The following PTCHD4 variants were observed in gnomAD, a reference collection of about 807,000 sequenced individuals.
PTCHD4 encodes the protein patched domain containing 4.
A neutral mutation model predicts 58.1 loss-of-function variants in PTCHD4; 33 were observed. That is an observed-to-expected ratio of 0.57 (90% CI 0.43 to 0.76). PTCHD4 has a LOEUF of 0.76. Ranked by LOEUF, PTCHD4 falls within the 30% of genes least tolerant of loss-of-function variation. The probability of loss-of-function intolerance (pLI) is 0.00; values close to 1 mark genes in which losing one functional copy is unlikely to be tolerated. For missense variants in PTCHD4, 1,058 were observed against 1,027.1 expected (o/e 1.03, Z -0.41); for synonymous variants, 478 against 409.6 (o/e 1.17, Z -2.02).
intron 4 of PTCHD4, among the ~76,000 whole-genome samples, chr6:48,004,909 T>A (rs1421568475): frequency 6.6e-6 from 1 of 151,870 alleles, no homozygotes; most frequent in East Asian, 1.9e-4. Context: ...AGAGCGAGAC[T>A]TCATCTCAAA....
chr6:48,042,624 A>C lies in PTCHD4; in HGVS notation c.417+25606T>G, dbSNP rs141978219. ...GATCAGAATGCCCTTTCCAACCAAG[A>C]CGCTGACCCAATTTTATTATTCAAG... On this transcript the variant is annotated intron_variant, in intron 3 of 4. Coordinates refer to ENST00000339488, the MANE Select transcript of PTCHD4 (RefSeq NM_001384253.1). Among the ~76,000 whole-genome samples, 139 of 151,884 alleles carry C rather than the reference A, an allele frequency of 9.2e-4. 1 individual carries two copies. Among genetic ancestry groups the C allele is most frequent in the Middle Eastern group, 3.4e-3 (1 of 294 alleles).
chr6:48,101,382 T>C (rs777408043), intron 1 of PTCHD4, among the ~76,000 whole-genome samples: 9 of 152,184 alleles, frequency 5.9e-5, no homozygotes, highest in Non-Finnish European at 1.0e-4. Context: ...GTTTAACATA[T>C]GCTAAAGCAA....
chr6:47,905,182 C>G (rs1215212681), intron 4 of PTCHD4, among the ~76,000 whole-genome samples: 2 of 151,776 alleles, frequency 1.3e-5, no homozygotes, highest in African/African-American at 2.4e-5. Context: ...CTTTGTAGAT[C>G]ATATGAAATT....
At chr6:47,960,184 C>T (rs369966148) in intron 4 of PTCHD4, among the ~76,000 whole-genome samples, 27 of 152,064 alleles carry the variant, frequency 1.8e-4, no homozygotes, top group East Asian at 7.7e-4. Flanking sequence ...TTCAAAAGCA[C>T]GCACTTAAGT....
chr6:48,053,492 G>C (rs999139650), intron 3 of PTCHD4, among the ~76,000 whole-genome samples: 1 of 136,184 alleles, frequency 7.3e-6, no homozygotes, highest in Admixed American at 7.6e-5. Flanking sequence ...GGAAATCAGA[G>C]AGCTAATAAC....
At chr6:47,946,078 T>C (rs1262255633) in intron 4 of PTCHD4, among the ~76,000 whole-genome samples, 1 of 152,152 alleles carries the variant, frequency 6.6e-6, no homozygotes, top group South Asian at 2.1e-4. Flanking sequence ...ATGTGGTAAA[T>C]ATGATACTGA....
intron 4 of PTCHD4, among the ~76,000 whole-genome samples, chr6:47,969,176 G>A (rs1210119984): frequency 2.6e-5 from 4 of 152,132 alleles, no homozygotes; most frequent in Non-Finnish European, 5.9e-5. Flanking sequence ...TTAAAAAATG[G>A]AGTTACTGAT....
intron 4 of PTCHD4, 148 bp from the exon 5 acceptor site, chr6:47,880,084 G>A (rs1763975986): frequency 1.6e-6 from 1 of 641,704 alleles, no homozygotes; most frequent in South Asian, 2.8e-5. Flanking sequence ...CAAAAGTTGA[G>A]TTATGGACAG....
At chr6:47,925,958 G>C (rs894673104) in intron 4 of PTCHD4, among the ~76,000 whole-genome samples, 2 of 152,098 alleles carry the variant, frequency 1.3e-5, no homozygotes, top group Non-Finnish European at 2.9e-5. Context: ...CTGGGGGTTG[G>C]CAGATGAGGC....
At chr6:48,092,201 G>A (rs1226534229) in intron 1 of PTCHD4, among the ~76,000 whole-genome samples, 1 of 152,092 alleles carries the variant, frequency 6.6e-6, no homozygotes, top group Non-Finnish European at 1.5e-5. Context: ...TGAAACCCAG[G>A]GAGAAATTAA....
At chr6:48,052,500 C>G (rs1371333627) in intron 3 of PTCHD4, among the ~76,000 whole-genome samples, 3 of 151,922 alleles carry the variant, frequency 2.0e-5, no homozygotes, top group Admixed American at 2.0e-4. Flanking sequence ...TATAACAGAG[C>G]TCCCTGAAGT....
At position 47,868,159 on chromosome 6, in the gene PTCHD4, A is replaced by G. The variant is rs572204991; in HGVS notation, c.*10144T>C. Among the ~76,000 whole-genome samples, 2 of 151,814 alleles carry G rather than the reference A, an allele frequency of 1.3e-5. No individual in the cohort carries two copies. The highest frequency in any genetic ancestry group is 4.8e-5 in the African/African-American group (2 of 41,508). On this transcript the variant is annotated 3_prime_UTR_variant, in exon 5 of 5. Transcript: ENST00000339488. ...GTTTAGTCCCTTCTTCAACAGTTTT[A>G]GATCCGTTTTAAAATTTTTTCTCAC...
intron 4 of PTCHD4, among the ~76,000 whole-genome samples, chr6:47,977,790 T>A (rs1581963622): frequency 6.6e-6 from 1 of 152,198 alleles, no homozygotes; most frequent in East Asian, 1.9e-4. Context: ...TCTTGAAGTT[T>A]TTCCATAAAT....
chr6:48,073,176 A>T (rs1275817884), intron 1 of PTCHD4, among the ~76,000 whole-genome samples: 1 of 152,218 alleles, frequency 6.6e-6, no homozygotes, highest in African/African-American at 2.4e-5. Context: ...ACCAATTAGT[A>T]ACAACACATT....
In PTCHD4 at chr6:47,858,778, T is replaced by C. The variant is rs1763355933; in HGVS notation, c.*19525A>G. ...AACAAGTTCCATACAAATGAAAATT[T>C]AGAAGGTGAGAAATTTCTATCAGAA... On this transcript the variant is annotated 3_prime_UTR_variant, in exon 5 of 5. Transcript: ENST00000339488. Among the ~76,000 whole-genome samples the C allele has an allele frequency of 6.6e-6, 1 of 152,050 alleles. No homozygotes were observed. Among genetic ancestry groups the C allele is most frequent in the South Asian group, 2.1e-4 (1 of 4,826 alleles).
At chr6:48,057,974 G>A (rs1230263781) in intron 3 of PTCHD4, among the ~76,000 whole-genome samples, 1 of 152,124 alleles carries the variant, frequency 6.6e-6, no homozygotes, top group Non-Finnish European at 1.5e-5. Context: ...GACAATGAAG[G>A]CCTCAGGTAG....
intron 4 of PTCHD4, among the ~76,000 whole-genome samples, chr6:47,881,543 TC>T (rs1428676113): frequency 6.6e-6 from 1 of 151,080 alleles, no homozygotes; most frequent in African/African-American, 2.4e-5. Context: ...GAAAACCAAA[TC>T]TTGGCTAAGC....
In PTCHD4 at chr6:47,879,891, C is replaced by G; in HGVS notation, c.944G>C (p.Arg315Thr). 1 of 1,582,080 alleles carries G rather than the reference C, an allele frequency of 6.3e-7. No individual in the cohort carries two copies. The highest frequency in any genetic ancestry group is 8.6e-7 in the Non-Finnish European group (1 of 1,163,304). The change falls in exon 5 of 5, where the codon AGA (arginine) becomes ACA (threonine). Residue 315 changes from arginine (R) to threonine (T), a missense_variant. Transcript: ENST00000339488. ...GVFELLSGWRRTKENLPFKDR... is the reference protein window; with the variant it reads ...GVFELLSGWRTTKENLPFKDR... ...TTTGAAGGGCAAGTTCTCTTTGGTT[C>G]TCCGCCATCCGGACAGAAGCTCAAA...
rs906098330 is a variant in PTCHD4, at chr6:47,867,834, G to C, written c.*10469C>G. 5.3e-5 allele frequency among the ~76,000 whole-genome samples: 8 copies of C among 151,760 alleles called. No individual in the cohort carries two copies. The highest frequency in any genetic ancestry group is 1.2e-4 in the Non-Finnish European group (8 of 67,820). On this transcript the variant is annotated 3_prime_UTR_variant, in exon 5 of 5. Coordinates refer to ENST00000339488, the MANE Select transcript of PTCHD4 (RefSeq NM_001384253.1). ...ACCTCAAAGTCAGGAACTATGAATA[G>C]TTTAGTGGTATTTTCTTCTGAGCCT...
Sources: gnomAD v4.1 joint callset for allele counts (sites outside exome capture counted in the v4.1 genomes callset) on GRCh38, gnomAD v4.1.1 for gene constraint, MANE v1.5 for transcripts, NCBI Gene and HGNC (gene_info 2026-07-23, HGNC 2026-07-21) for gene names.